The following GLIS3 variants were observed in gnomAD, a reference collection of about 807,000 sequenced individuals.
GLIS3 encodes GLIS family zinc finger 3.
In GLIS3, 53 loss-of-function variants were observed where a neutral mutation model predicts 78.6. That is an observed-to-expected ratio of 0.67 (90% CI 0.54 to 0.85). GLIS3 has a LOEUF of 0.85. GLIS3 is among the 40% of genes least tolerant of loss of function. The pLI is 0.00. For missense variants in GLIS3, 1,703 were observed against 1,231.1 expected (o/e 1.38, Z -5.74); for synonymous variants, 684 against 509.9 (o/e 1.34, Z -4.60).
At chr9:4,179,634 G>A (rs1322501859) in intron 2 of GLIS3, among the ~76,000 whole-genome samples, 1 of 152,192 alleles carries the variant, frequency 6.6e-6, no homozygotes, top group Non-Finnish European at 1.5e-5. Context: ...TCTAGGCCAG[G>A]CACGGTGGCT....
At chr9:4,004,901 C>A (rs369474070) in intron 4 of GLIS3, among the ~76,000 whole-genome samples, 1 of 152,166 alleles carries the variant, frequency 6.6e-6, no homozygotes, top group East Asian at 1.9e-4. Context: ...ATTGTTTCAA[C>A]AATGGCATAC....
chr9:3,989,460 T>C (rs1172236454), intron 4 of GLIS3, among the ~76,000 whole-genome samples: 1 of 152,212 alleles, frequency 6.6e-6, no homozygotes, highest in African/African-American at 2.4e-5. Flanking sequence ...GCAGCTTTAC[T>C]TGTAATAGCT....
chr9:4,488,089 G>A, the GLIS3 span, among the ~76,000 whole-genome samples: 1 of 134,440 alleles, frequency 7.4e-6, no homozygotes, highest in Non-Finnish European at 1.6e-5. Context: ...CTAAGCACAT[G>A]GTTTTATTTC....
intron 9 of GLIS3, among the ~76,000 whole-genome samples, chr9:3,842,933 A>G (rs567578852): frequency 6.6e-6 from 1 of 152,252 alleles, no homozygotes; most frequent in South Asian, 2.1e-4. Flanking sequence ...CTGCTGGTAG[A>G]TGGGGCTCTT....
chr9:4,159,734 GAAAGA>G (rs1048030460), intron 2 of GLIS3, among the ~76,000 whole-genome samples: 15 of 145,962 alleles, frequency 1.0e-4, no homozygotes, highest in African/African-American at 2.2e-4. Flanking sequence ...AAAAAAAAAA[GAAAGA>G]AAAGAAAAGA....
the GLIS3 span, among the ~76,000 whole-genome samples, chr9:4,410,144 T>TC: frequency 6.6e-6 from 1 of 151,556 alleles, no homozygotes; most frequent in South Asian, 2.1e-4. Flanking sequence ...CTATTTTTTT[T>TC]TTTTTTTTCT....
At chr9:4,227,772 C>T (rs1419859080) in intron 2 of GLIS3, among the ~76,000 whole-genome samples, 1 of 152,158 alleles carries the variant, frequency 6.6e-6, no homozygotes, top group East Asian at 1.9e-4. Context: ...GCTCTGAACT[C>T]CCTTGAGGAA....
the GLIS3 span, among the ~76,000 whole-genome samples, chr9:4,370,083 T>C: frequency 1.3e-3 from 184 of 147,116 alleles, 4 homozygotes; most frequent in East Asian, 0.036. Context: ...TCCCAGCTAC[T>C]CAGGAGGCTG....
At chr9:4,235,640 C>T (rs1822661340) in intron 2 of GLIS3, among the ~76,000 whole-genome samples, 2 of 152,088 alleles carry the variant, frequency 1.3e-5, no homozygotes, top group African/African-American at 4.8e-5. Flanking sequence ...CGAAGGTCTT[C>T]TGTGAGTGTG....
chr9:4,419,641 G>T, the GLIS3 span, among the ~76,000 whole-genome samples: 1 of 142,522 alleles, frequency 7.0e-6, no homozygotes, highest in Non-Finnish European at 1.5e-5. Flanking sequence ...TTAGCCGGGC[G>T]TGGTGGTCCA....
intron 4 of GLIS3, among the ~76,000 whole-genome samples, chr9:4,072,604 C>T (rs147258531): frequency 5.9e-5 from 9 of 152,158 alleles, no homozygotes; most frequent in African/African-American, 1.9e-4. Context: ...AATGCATTCA[C>T]TGTAAATAAA....
At chr9:4,222,808 G>A (rs1223748969) in intron 2 of GLIS3, among the ~76,000 whole-genome samples, 1 of 152,198 alleles carries the variant, frequency 6.6e-6, no homozygotes, top group Admixed American at 6.5e-5. Flanking sequence ...ATATGTTTGA[G>A]ATAAAAGACA....
chr9:4,141,932 G>A (rs978478131), intron 2 of GLIS3, among the ~76,000 whole-genome samples: 1 of 152,312 alleles, frequency 6.6e-6, no homozygotes, highest in African/African-American at 2.4e-5. Context: ...CTAGAGTAAT[G>A]TAAGCATTTC....
intron 8 of GLIS3, 121 bp from the exon 9 acceptor site, chr9:3,856,305 T>A: frequency 1.1e-6 from 1 of 897,482 alleles, no homozygotes. Flanking sequence ...CAACAAGCCT[T>A]TTAAAAAAAA....
At position 4,066,037 on chromosome 9, in the gene GLIS3, T is replaced by TAAA. The variant is rs375649097; in HGVS notation, c.1710+51730_1710+51731insTTT. Among the ~76,000 whole-genome samples, 208 of 95,638 alleles carry TAAA rather than the reference T, an allele frequency of 2.2e-3. 3 individuals carry two copies. Among genetic ancestry groups the TAAA allele is most frequent in the African/African-American group, 4.5e-3 (106 of 23,630 alleles). The allele number at this position is 95,638 out of a possible 152,430, so 62.7% of individuals were successfully genotyped here. On this transcript the variant is annotated intron_variant, in intron 4 of 10. Transcript: ENST00000381971. ...CATCTCATTAAAATGACCCAAAGAA[T>TAAA]ATAAAAAAAAAAAAAAAGAAACAGG...
chr9:4,450,921 C>T, the GLIS3 span, among the ~76,000 whole-genome samples: 1 of 152,158 alleles, frequency 6.6e-6, no homozygotes, highest in Non-Finnish European at 1.5e-5. Flanking sequence ...ACCATCAATG[C>T]TAGAAAGAAA....
At chr9:4,248,594 G>A (rs922049832) in intron 2 of GLIS3, among the ~76,000 whole-genome samples, 1 of 152,054 alleles carries the variant, frequency 6.6e-6, no homozygotes, top group African/African-American at 2.4e-5. Flanking sequence ...TAATCCTTTG[G>A]GTATATACTC....
intron 8 of GLIS3, among the ~76,000 whole-genome samples, chr9:3,858,710 G>C (rs1246613457): frequency 6.6e-6 from 1 of 151,994 alleles, no homozygotes; most frequent in Non-Finnish European, 1.5e-5. Context: ...GAAAAGGAAA[G>C]AAATAGTACA....
intron 8 of GLIS3, among the ~76,000 whole-genome samples, chr9:3,872,508 G>A (rs2130398783): frequency 6.6e-6 from 1 of 152,330 alleles, no homozygotes; most frequent in Non-Finnish European, 1.5e-5. Flanking sequence ...GTAAGGAGGA[G>A]CAACTCCCAT....
Sources: allele counts gnomAD v4.1 joint callset (sites outside exome capture counted in the v4.1 genomes callset), GRCh38; gene constraint gnomAD v4.1.1; transcripts MANE v1.5; gene names NCBI Gene and HGNC (gene_info 2026-07-23, HGNC 2026-07-21).